The following GSG1L variants were observed in gnomAD, a reference collection of about 807,000 sequenced individuals.
The protein encoded by GSG1L is germ cell-specific gene 1-like protein.
A neutral mutation model predicts 42.1 loss-of-function variants in GSG1L; 24 were observed. The ratio of observed to expected loss-of-function variants is 0.57; its 90% CI spans 0.41 to 0.80. The LOEUF (loss-of-function observed/expected upper bound fraction) is 0.80, where lower values mean the gene tolerates loss of function less well. Among genes scored for constraint, GSG1L ranks in the 30% least tolerant of loss-of-function variants. The probability of loss-of-function intolerance (pLI) is 0.00; values close to 1 mark genes in which losing one functional copy is unlikely to be tolerated. For synonymous variants in GSG1L, 215 were observed against 203.5 expected (o/e 1.06, Z -0.48); for missense variants, 445 against 472.2 (o/e 0.94, Z 0.53).
intron 2 of GSG1L, among the ~76,000 whole-genome samples, chr16:27,906,036 A>T (rs1041684303): frequency 6.6e-6 from 1 of 152,146 alleles, no homozygotes; most frequent in African/African-American, 2.4e-5. Flanking sequence ...ATTTTTAAAG[A>T]TCAGAGAATC....
intron 3 of GSG1L, among the ~76,000 whole-genome samples, chr16:27,879,030 A>G (rs2083920702): frequency 6.7e-6 from 1 of 150,314 alleles, no homozygotes; most frequent in South Asian, 2.1e-4. Flanking sequence ...ATTTGATCAG[A>G]TATCAAGGCT....
At chr16:27,995,358 A>G (rs1313894108) in intron 1 of GSG1L, among the ~76,000 whole-genome samples, 1 of 152,206 alleles carries the variant, frequency 6.6e-6, no homozygotes, top group Non-Finnish European at 1.5e-5. Context: ...AAGAATGGAG[A>G]AATCATAATA....
At chr16:27,927,680 C>T (rs2084610723) in intron 2 of GSG1L, among the ~76,000 whole-genome samples, 1 of 152,194 alleles carries the variant, frequency 6.6e-6, no homozygotes, top group Admixed American at 6.5e-5. Flanking sequence ...CCTCAGTGCT[C>T]CACCCAGCCA....
chr16:27,954,208 C>G (rs146931401), intron 2 of GSG1L, among the ~76,000 whole-genome samples: 11 of 152,092 alleles, frequency 7.2e-5, no homozygotes, highest in African/African-American at 2.7e-4. Context: ...CTTTCAATAC[C>G]GCCAATCATT....
chr16:27,942,222 T>C (rs2084807539), intron 2 of GSG1L, among the ~76,000 whole-genome samples: 1 of 151,554 alleles, frequency 6.6e-6, no homozygotes, highest in Non-Finnish European at 1.5e-5. Context: ...CAATCTCGGC[T>C]CACGGCAACC....
chr16:27,829,578 G>T (rs1052989657), intron 4 of GSG1L, among the ~76,000 whole-genome samples: 3 of 152,090 alleles, frequency 2.0e-5, no homozygotes, highest in African/African-American at 7.2e-5. Flanking sequence ...ACAGGGATTC[G>T]CTCTGTTGCC....
intron 1 of GSG1L, among the ~76,000 whole-genome samples, chr16:28,032,446 T>C (rs953686718): frequency 1.3e-5 from 2 of 152,166 alleles, no homozygotes; most frequent in African/African-American, 4.8e-5. Context: ...CGTTGATGTA[T>C]GCACGACGCG....
At chr16:27,924,943 C>A (rs560662226) in intron 2 of GSG1L, among the ~76,000 whole-genome samples, 2 of 152,094 alleles carry the variant, frequency 1.3e-5, no homozygotes, top group Non-Finnish European at 2.9e-5. Context: ...CCAGCAACAC[C>A]GGATCACACG....
intron 2 of GSG1L, among the ~76,000 whole-genome samples, chr16:27,892,813 A>C (rs992013882): frequency 1.5e-4 from 22 of 146,738 alleles, no homozygotes; most frequent in African/African-American, 5.2e-4. Context: ...AAAAAAAGTC[A>C]CCTTAAGGAA....
intron 2 of GSG1L, among the ~76,000 whole-genome samples, chr16:27,936,293 C>G (rs150194068): frequency 6.6e-6 from 1 of 152,274 alleles, no homozygotes; most frequent in Non-Finnish European, 1.5e-5. Flanking sequence ...GAAATTTGAT[C>G]TCTGCTGTTA....
intron 3 of GSG1L, 106 bp from the exon 4 acceptor site, chr16:27,845,167 T>C (rs1028193711): frequency 2.3e-5 from 16 of 701,112 alleles, no homozygotes; most frequent in African/African-American, 5.3e-5. Flanking sequence ...CTGTGATCAC[T>C]GTGGAGAACA....
intron 1 of GSG1L, among the ~76,000 whole-genome samples, chr16:27,977,099 C>T (rs557994190): frequency 1.3e-5 from 2 of 152,264 alleles, no homozygotes; most frequent in Admixed American, 6.5e-5. Context: ...AAGGACTTGG[C>T]GTTCATCACA....
intron 1 of GSG1L, chr16:27,998,317 ATGTG>A (rs1312731552): frequency 1.3e-5 from 2 of 152,324 alleles, no homozygotes; most frequent in African/African-American, 4.8e-5. Flanking sequence ...TGCTTCATGA[ATGTG>A]TGTGTTATCC....
intron 2 of GSG1L, among the ~76,000 whole-genome samples, chr16:27,922,567 C>T (rs548555653): frequency 2.0e-5 from 3 of 152,318 alleles, no homozygotes; most frequent in South Asian, 4.1e-4. Flanking sequence ...CTCCTCATCT[C>T]GTCCCTCTTT....
At chr16:27,905,491 T>A (rs1249710141) in intron 2 of GSG1L, among the ~76,000 whole-genome samples, 1 of 151,996 alleles carries the variant, frequency 6.6e-6, no homozygotes, top group African/African-American at 2.4e-5. Context: ...GCTAATTTTA[T>A]TTTTTTGTAG....
At chr16:27,920,932 C>G (rs1393865717) in intron 2 of GSG1L, among the ~76,000 whole-genome samples, 3 of 152,292 alleles carry the variant, frequency 2.0e-5, no homozygotes, top group Non-Finnish European at 4.4e-5. Flanking sequence ...CAGATGGAAG[C>G]AGGTGATTTC....
rs554253637 is a variant in GSG1L, at chr16:27,870,873, C to T, written c.550+13613G>A. 1.3e-3 allele frequency among the ~76,000 whole-genome samples: 195 copies of T among 151,532 alleles called. 2 individuals carry two copies. The highest frequency in any genetic ancestry group is 4.4e-3 in the African/African-American group (180 of 40,842). ...TCCCTCTGCCACCATCTCCTTGTGG[C>T]CAGACACCTGCAGTCACCTCTTAGC... On this transcript the variant is annotated intron_variant, in intron 3 of 6. Coordinates refer to ENST00000447459, the MANE Select transcript of GSG1L (RefSeq NM_001109763.2).
chr16:27,929,009 C>A (rs2084628011), intron 2 of GSG1L, among the ~76,000 whole-genome samples: 1 of 152,186 alleles, frequency 6.6e-6, no homozygotes, highest in African/African-American at 2.4e-5. Flanking sequence ...AGTATCTCTT[C>A]CAGAGGAGCT....
chr16:28,044,710 G>A (rs906106823), intron 1 of GSG1L, among the ~76,000 whole-genome samples: 6 of 145,580 alleles, frequency 4.1e-5, no homozygotes, highest in South Asian at 2.1e-4. Flanking sequence ...TGCAACCTCC[G>A]CCTCTGAGGT....
Sources: gnomAD v4.1 joint callset for allele counts (sites outside exome capture counted in the v4.1 genomes callset) on GRCh38, gnomAD v4.1.1 for gene constraint, MANE v1.5 for transcripts, NCBI Gene and HGNC (gene_info 2026-07-23, HGNC 2026-07-21) for gene names.